Variants in NRG3 observed in about 807,000 individuals in gnomAD.
NRG3 encodes the protein neuregulin 3, also known as pro-neuregulin-3, membrane-bound isoform.
NRG3 carries 31 observed loss-of-function variants against 66.9 expected under a neutral mutation model. That is an observed-to-expected ratio of 0.46 (90% CI 0.35 to 0.63). The LOEUF (loss-of-function observed/expected upper bound fraction) is 0.63, where lower values mean the gene tolerates loss of function less well. Among genes scored for constraint, NRG3 ranks in the 20% least tolerant of loss-of-function variants. The pLI is 0.00. For missense variants in NRG3, 910 were observed against 878.9 expected (o/e 1.04, Z -0.45); for synonymous variants, 393 against 359.4 (o/e 1.09, Z -1.06).
chr10:82,280,250 A>C (rs1360636782), intron 1 of NRG3, among the ~76,000 whole-genome samples: 1 of 152,164 alleles, frequency 6.6e-6, no homozygotes, highest in African/African-American at 2.4e-5. Context: ...AACATTATAG[A>C]GTGATATTAA....
intron 1 of NRG3, among the ~76,000 whole-genome samples, chr10:82,337,468 C>T (rs943911669): frequency 2.0e-5 from 3 of 152,192 alleles, no homozygotes; most frequent in Non-Finnish European, 2.9e-5. Flanking sequence ...TATAAACACT[C>T]ATAAACAAGT....
intron 4 of NRG3, among the ~76,000 whole-genome samples, chr10:82,946,602 G>T (rs1441115141): frequency 2.6e-5 from 4 of 151,958 alleles, no homozygotes; most frequent in African/African-American, 9.7e-5. Context: ...GGACTGAAAT[G>T]GTAGACATAA....
At chr10:82,736,964 G>A (rs1179939203) in intron 2 of NRG3, among the ~76,000 whole-genome samples, 1 of 152,142 alleles carries the variant, frequency 6.6e-6, no homozygotes, top group African/African-American at 2.4e-5. Context: ...AAGCACCATG[G>A]TACGATAATT....
intron 4 of NRG3, among the ~76,000 whole-genome samples, chr10:82,946,211 TAAAA>T (rs201328836): frequency 7.7e-6 from 1 of 129,154 alleles, no homozygotes. Flanking sequence ...ATTTGAGATT[TAAAA>T]AAAAAAAAAA....
In NRG3 at chr10:82,442,862, G is replaced by C. The variant is rs536444696; in HGVS notation, c.953+83994G>C. Among the ~76,000 whole-genome samples, 5 of 138,284 alleles carry C rather than the reference G, an allele frequency of 3.6e-5. No individual in the cohort carries two copies. The South Asian group carries it at 1.1e-3, about 31-fold the overall frequency. The allele number at this position is 138,284 out of a possible 152,430, so 90.7% of individuals were successfully genotyped here. On this transcript the variant is annotated intron_variant, in intron 2 of 8. Transcript: ENST00000372141. ...GAGGCAGGTGCATAGAAGTCACTTGGAAGTGACTTCTAACAGGCCTGTTAT... is the reference window on the plus strand; with the variant it reads ...GAGGCAGGTGCATAGAAGTCACTTGCAAGTGACTTCTAACAGGCCTGTTAT...
chr10:82,042,488 A>G (rs1404259811), intron 1 of NRG3, among the ~76,000 whole-genome samples: 1 of 152,102 alleles, frequency 6.6e-6, no homozygotes, highest in Admixed American at 6.6e-5. Flanking sequence ...AACTGCAAAC[A>G]GTAATTGTAA....
intron 6 of NRG3, among the ~76,000 whole-genome samples, chr10:82,967,718 T>A (rs2132527062): frequency 6.6e-6 from 1 of 152,326 alleles, no homozygotes; most frequent in African/African-American, 2.4e-5. Context: ...AGTAGGCAAT[T>A]GTTATTGAGA....
intron 2 of NRG3, among the ~76,000 whole-genome samples, chr10:82,423,982 T>C (rs1431876872): frequency 1.3e-5 from 2 of 152,056 alleles, no homozygotes; most frequent in African/African-American, 4.8e-5. Context: ...TTCAGCCTTT[T>C]ATGAGTGAAT....
intron 1 of NRG3, among the ~76,000 whole-genome samples, chr10:82,178,364 T>C (rs1198392922): frequency 6.6e-6 from 1 of 152,146 alleles, no homozygotes; most frequent in Non-Finnish European, 1.5e-5. Context: ...TTATATCTAT[T>C]GAAAAGCAAC....
intron 2 of NRG3, among the ~76,000 whole-genome samples, chr10:82,500,854 C>G (rs1430047779): frequency 1.3e-5 from 2 of 151,930 alleles, no homozygotes; most frequent in Non-Finnish European, 2.9e-5. Flanking sequence ...ACTCGGGTAT[C>G]AACAATAAGC....
intron 2 of NRG3, among the ~76,000 whole-genome samples, chr10:82,412,291 G>A (rs2088154547): frequency 6.6e-6 from 1 of 152,104 alleles, no homozygotes; most frequent in Non-Finnish European, 1.5e-5. Flanking sequence ...AGAGGTTTGA[G>A]ACCACTGCAA....
intron 1 of NRG3, among the ~76,000 whole-genome samples, chr10:82,147,072 C>A (rs921335205): frequency 2.0e-5 from 3 of 152,204 alleles, no homozygotes; most frequent in African/African-American, 7.2e-5. Flanking sequence ...TCTTCAGGAA[C>A]TGACCAGATC....
intron 3 of NRG3, among the ~76,000 whole-genome samples, chr10:82,824,425 A>G (rs2062092544): frequency 1.3e-5 from 2 of 152,178 alleles, no homozygotes; most frequent in Non-Finnish European, 2.9e-5. Context: ...TTTATGTTAA[A>G]CATATTGAAG....
intron 1 of NRG3, among the ~76,000 whole-genome samples, chr10:81,958,922 A>G (rs1033852632): frequency 6.6e-6 from 1 of 152,040 alleles, no homozygotes; most frequent in African/African-American, 2.4e-5. Context: ...CCAAAACCAG[A>G]TATACAGTCT....
At chr10:82,970,272 C>A (rs1851604109) in intron 6 of NRG3, among the ~76,000 whole-genome samples, 1 of 152,116 alleles carries the variant, frequency 6.6e-6, no homozygotes, top group South Asian at 2.1e-4. Flanking sequence ...AGGGCCTTTT[C>A]CTTTATCAGA....
intron 1 of NRG3, among the ~76,000 whole-genome samples, chr10:82,145,055 T>A (rs148278545): frequency 6.6e-6 from 1 of 152,286 alleles, no homozygotes; most frequent in African/African-American, 2.4e-5. Context: ...TATACATGTA[T>A]CTCTTTAAAG....
intron 3 of NRG3, among the ~76,000 whole-genome samples, chr10:82,820,634 C>T (rs991492765): frequency 3.3e-5 from 5 of 152,118 alleles, no homozygotes; most frequent in Non-Finnish European, 5.9e-5. Context: ...TTAAAACTTC[C>T]GAATTATATT....
At chr10:82,240,545 CTT>C (rs749282348) in intron 1 of NRG3, among the ~76,000 whole-genome samples, 16 of 152,104 alleles carry the variant, frequency 1.1e-4, no homozygotes, top group Admixed American at 6.5e-4. Context: ...GGGAAAAAGA[CTT>C]TTCAATCAGT....
At chr10:81,884,706 T>C (rs550694394) in intron 1 of NRG3, among the ~76,000 whole-genome samples, 2 of 152,238 alleles carry the variant, frequency 1.3e-5, no homozygotes, top group South Asian at 4.2e-4. Flanking sequence ...GTAAAAGACA[T>C]GGGCATCCTA....
Sources: allele counts gnomAD v4.1 joint callset (sites outside exome capture counted in the v4.1 genomes callset), GRCh38; gene constraint gnomAD v4.1.1; transcripts MANE v1.5; gene names NCBI Gene and HGNC (gene_info 2026-07-23, HGNC 2026-07-21).